The following INF2 variants were observed in gnomAD, a reference collection of about 807,000 sequenced individuals.
INF2 encodes the protein inverted formin 2, also known as inverted formin-2.
Under a neutral mutation model 123.5 loss-of-function variants are expected in INF2, and 43 were observed. The ratio of observed to expected loss-of-function variants is 0.35; its 90% CI spans 0.27 to 0.45. The LOEUF (loss-of-function observed/expected upper bound fraction) is 0.45. INF2 is among the 20% of genes least tolerant of loss of function. INF2 has a pLI of 1.00. For missense variants in INF2, 1,453 were observed against 1,682.7 expected, an observed-to-expected ratio of 0.86 and a Z score of 2.39; for synonymous variants, 851 against 745.0, an observed-to-expected ratio of 1.14 and a Z score of -2.32.
rs747535041 is a variant in INF2 at position 104,715,271 on chromosome 14, T to C, written c.3695-13T>C. 1.2e-6 allele frequency: 2 copies of C among 1,613,470 alleles called. No individual in the cohort carries two copies. The highest frequency in any genetic ancestry group is 8.5e-7 in the Non-Finnish European group (1 of 1,179,620). ...GATAAGCCGTTGAGTGCGTTTCTTTTATTTGGAAGCAGAGGTTCCCCCTGA... is the reference window on the plus strand; with the variant it reads ...GATAAGCCGTTGAGTGCGTTTCTTTCATTTGGAAGCAGAGGTTCCCCCTGA... On this transcript the variant is annotated splice_polypyrimidine_tract_variant and intron_variant, in intron 21 of 22. Transcript: ENST00000392634.
chr14:104,718,444 C>T (rs958661868), intron 22 of INF2, among the ~76,000 whole-genome samples: 2 of 151,092 alleles, frequency 1.3e-5, no homozygotes, highest in Admixed American at 6.6e-5. Context: ...TGGAGGGCTG[C>T]AGGGGGTGGC....
intron 13 of INF2, 119 bp from the exon 14 acceptor site, chr14:104,710,818 T>G: frequency 1.2e-6 from 1 of 842,592 alleles, no homozygotes; most frequent in Non-Finnish European, 1.9e-6. Flanking sequence ...GGTGCTGGGC[T>G]GAGCCTGGGG....
At chr14:104,710,536 A>C (rs906621951) in intron 13 of INF2, among the ~76,000 whole-genome samples, 1 of 151,822 alleles carries the variant, frequency 6.6e-6, no homozygotes, top group South Asian at 2.1e-4. Context: ...CAAGCCCACA[A>C]GCACAGTCAC....
upstream of INF2, among the ~76,000 whole-genome samples, chr14:104,688,677 G>A (rs959186475): frequency 4.3e-4 from 66 of 152,238 alleles, no homozygotes; most frequent in African/African-American, 1.6e-3. Context: ...GGCAGGGGTT[G>A]TGTCTGCTCT....
chr14:104,707,815 AC>A lies in INF2; in HGVS notation c.1553del (p.Pro518HisfsTer40). ...CTGGTATGGGCTGGGGCCCTCCTCCACCCCCACCTCCACTACTGCCCTGCAC... is the reference window on the plus strand; with the variant it reads ...CTGGTATGGGCTGGGGCCCTCCTCCACCCCACCTCCACTACTGCCCTGCAC... ...LPGMGWGPPP[P>X]PPPLLPCTCS... On this transcript the variant is annotated frameshift_variant, in exon 8 of 23. Transcript: ENST00000392634. LOFTEE classifies it high-confidence loss of function. 1 of 1,125,110 alleles carries A rather than the reference AC, an allele frequency of 8.9e-7. No individual in the cohort carries two copies. The allele number at this position is 1,125,110 out of a possible 1,614,324, so 69.7% of individuals were successfully genotyped here.
rs146081430 is a variant in INF2 at position 104,714,113 on chromosome 14, G to A, written c.3041-90G>A. 7.7e-4 allele frequency: 916 copies of A among 1,183,494 alleles called. 6 individuals carry two copies. In the African/African-American group the frequency reaches 0.011, roughly 14 times the overall value. 73.3% of individuals were successfully genotyped at this position (1,183,494 alleles called of 1,614,324 possible). ...TTCTGGGGAGGAGGTTTTGCAGGGC[G>A]TTCAGGTAGACAGCGGAATGGAGGA... is the stretch of plus-strand genomic sequence containing the variant. On this transcript the variant is annotated intron_variant, in intron 20 of 22. Coordinates refer to ENST00000392634, the MANE Select transcript of INF2 (RefSeq NM_022489.4).
chr14:104,718,857 G>T lies in INF2; in HGVS notation c.*64G>T. On this transcript the variant is annotated 3_prime_UTR_variant, in exon 23 of 23. Transcript: ENST00000392634. Reference sequence around the variant, plus strand: ...AGGCCACAGGACATGCTGCCATTCTGCCAAGAGAGGCTCTTCTGGGGGCCA... The same window carrying T: ...AGGCCACAGGACATGCTGCCATTCTTCCAAGAGAGGCTCTTCTGGGGGCCA... The T allele has an allele frequency of 6.2e-7, 1 of 1,606,040 alleles. No homozygotes were observed. The highest frequency in any genetic ancestry group is 8.5e-7 in the Non-Finnish European group (1 of 1,177,316).
chr14:104,714,141 C>T, intron 20 of INF2, 62 bp from the exon 21 acceptor site: 1 of 1,376,816 alleles, frequency 7.3e-7, no homozygotes, highest in Non-Finnish European at 9.6e-7. Context: ...ATGGAGGAGG[C>T]TGCACCTGGG....
At chr14:104,695,140 C>T (rs1215933194) in intron 1 of INF2, among the ~76,000 whole-genome samples, 3 of 152,234 alleles carry the variant, frequency 2.0e-5, no homozygotes, top group African/African-American at 4.8e-5. Context: ...CTGCAGGGTA[C>T]GTCTGGGGCC....
chr14:104,713,609 A>G lies in INF2; in HGVS notation c.3040+3A>G, dbSNP rs1334080181. 1.2e-6 allele frequency: 2 copies of G among 1,612,086 alleles called. No individual in the cohort carries two copies. Among genetic ancestry groups the G allele is most frequent in the Non-Finnish European group, 1.7e-6 (2 of 1,179,462 alleles). On this transcript the variant is annotated splice_donor_region_variant and intron_variant, in intron 20 of 22. Transcript: ENST00000392634. Reference sequence around the variant, plus strand: ...TCCCCCAAGAGCCACAGAGCCTGGTAAGACCCTCTCCCACTGCCTCCTCAT... The same window carrying G: ...TCCCCCAAGAGCCACAGAGCCTGGTGAGACCCTCTCCCACTGCCTCCTCAT...
chr14:104,715,181 G>A (rs1595181074), intron 21 of INF2, 103 bp from the exon 22 acceptor site: 3 of 1,132,252 alleles, frequency 2.6e-6, no homozygotes, highest in Non-Finnish European at 4.0e-6. Flanking sequence ...GCCCTCAGAG[G>A]GTGTTGGCAT....
At chr14:104,688,570 C>T (rs576492635), upstream of INF2, among the ~76,000 whole-genome samples, 1 of 152,170 alleles carries the variant, frequency 6.6e-6, no homozygotes, top group South Asian at 2.1e-4. Context: ...ACAGCCCTTA[C>T]GGGTACTTAT....
In INF2 at chr14:104,706,166, T is replaced by C. The variant is rs1889771354; in HGVS notation, c.833T>C (p.Leu278Pro). 1 of 1,583,376 alleles carries C rather than the reference T, an allele frequency of 6.3e-7. No individual in the cohort carries two copies. ...MSSHQEVFAS[L>P]FHKVSCSPVS... ...AGCCACCAGGAGGTCTTTGCCTCCC[T>C]GTTCCACAAGGTGGGCTGGGGGCTG... is the stretch of plus-strand genomic sequence containing the variant. Residue 278 changes from leucine (L) to proline (P), a missense_variant, in exon 6 of 23, where the codon CTG becomes CCG. Leu to Pro is a moderately conservative substitution (Grantham distance 98, BLOSUM62 -3). Around this residue, in one of 8 missense-constraint regions of INF2, gnomAD observed 251 missense variants for 349.4 expected, o/e 0.72. Coordinates refer to ENST00000392634, the MANE Select transcript of INF2 (RefSeq NM_022489.4).
At position 104,699,417 on chromosome 14, in the gene INF2, T is replaced by C. The variant is rs1040566801; in HGVS notation, c.-9-1940T>C. Reference sequence around the variant, plus strand: ...CCGGCTGCCTGGCTCTTCATGGTGGTGGGAGCAACCCTACTGCCACCAGGA... The same window carrying C: ...CCGGCTGCCTGGCTCTTCATGGTGGCGGGAGCAACCCTACTGCCACCAGGA... On this transcript the variant is annotated intron_variant, in intron 1 of 22. Transcript: ENST00000392634. The surrounding 1 kb of genome is among the most constrained non-coding windows in gnomAD (Gnocchi z 4.7). 6.1e-6 allele frequency: 6 copies of C among 985,048 alleles called. No homozygotes were observed. The African/African-American group carries it at 1.1e-4, about 17-fold the overall frequency. 61.0% of individuals were successfully genotyped at this position (985,048 alleles called of 1,614,324 possible). A position where few individuals can be genotyped will look rare whatever the true frequency, so the allele number is the denominator to read the frequency against.
At chr14:104,700,811 C>T (rs1889443043) in intron 1 of INF2, 2 of 984,714 alleles carry the variant, frequency 2.0e-6, no homozygotes, top group Non-Finnish European at 2.4e-6. Flanking sequence ...CTGGGAGTCG[C>T]CCCTCCTCCC....
Position 104,713,541 on chromosome 14 carries a change from G to T in INF2, c.2975G>T (p.Gly992Val). 6.2e-7 allele frequency: 1 copy of T among 1,611,726 alleles called. No homozygotes were observed. The highest frequency in any genetic ancestry group is 8.5e-7 in the Non-Finnish European group (1 of 1,179,494). ...KGFQLRKTARGRGDTDGGSKA... is the reference protein window; with the variant it reads ...KGFQLRKTARVRGDTDGGSKA... ...TTCCAGCTGCGGAAGACAGCCCGGG[G>T]CCGCGGGGACACCGACGGGGGCAGC... is the stretch of plus-strand genomic sequence containing the variant. The change falls in exon 20 of 23, where the codon GGC (glycine) becomes GTC (valine). Residue 992 changes from glycine to valine, a missense_variant. Around this residue, in one of 8 missense-constraint regions of INF2, gnomAD observed 212 missense variants for 266.2 expected, o/e 0.80. Transcript: ENST00000392634.
intron 1 of INF2, among the ~76,000 whole-genome samples, chr14:104,683,329 C>CCA (rs1208493469): frequency 7.9e-5 from 12 of 152,202 alleles, no homozygotes; most frequent in African/African-American, 2.9e-4. Flanking sequence ...CCTGGGGCTG[C>CCA]CACTCCCTGC....
In INF2 at chr14:104,699,168, A is replaced by T. The variant is rs1240019159; in HGVS notation, c.-9-2189A>T. ...GCTCTCGGCGGCACTGCTTGTCTCT[A>T]AAAGGTCAGGATTTTTTGCATGGAG... On this transcript the variant is annotated intron_variant, in intron 1 of 22. Transcript: ENST00000392634. The surrounding 1 kb of genome is among the most constrained non-coding windows in gnomAD (Gnocchi z 4.7). Among the ~76,000 whole-genome samples the T allele has an allele frequency of 1.3e-5, 2 of 151,840 alleles. No individual in the cohort carries two copies. Among genetic ancestry groups the T allele is most frequent in the African/African-American group, 4.8e-5 (2 of 41,314 alleles).
chr14:104,705,904 C>T (rs1889757481), intron 5 of INF2, 131 bp from the exon 6 acceptor site: 1 of 1,153,850 alleles, frequency 8.7e-7, no homozygotes, highest in Non-Finnish European at 1.2e-6. Flanking sequence ...TCAGCCACAG[C>T]TGGCTATGGC....
Sources: gnomAD v4.1 joint callset for allele counts (sites outside exome capture counted in the v4.1 genomes callset) on GRCh38, gnomAD v4.1.1 for gene constraint, gnomAD v4.1.1 regional missense constraint, Gnocchi (gnomAD v3.1) non-coding constraint, MANE v1.5 for transcripts, NCBI Gene and HGNC (gene_info 2026-07-23, HGNC 2026-07-21) for gene names.